The following KIZ variants were observed in gnomAD, a reference collection of about 807,000 sequenced individuals.
KIZ encodes the protein centrosomal protein kizuna.
A neutral mutation model predicts 79.6 loss-of-function variants in KIZ; 68 were observed. The observed-to-expected ratio is 0.85, with a 90% CI of 0.70 to 1.05. KIZ has a LOEUF of 1.05. Among genes scored for constraint, KIZ ranks in the 50% least tolerant of loss-of-function variants. The pLI is 0.00. For missense variants in KIZ, 797 were observed against 800.4 expected (o/e 1.00, Z 0.05); for synonymous variants, 280 against 281.8 (o/e 0.99, Z 0.06).
intron 11 of KIZ, among the ~76,000 whole-genome samples, chr20:21,242,702 A>G (rs1397359903): frequency 6.6e-6 from 1 of 152,060 alleles, no homozygotes; most frequent in African/African-American, 2.4e-5. Flanking sequence ...CTCACCTGCC[A>G]CTGTGTCCTT....
chr20:21,212,434 A>G (rs924157297), intron 7 of KIZ, among the ~76,000 whole-genome samples: 9 of 152,228 alleles, frequency 5.9e-5, no homozygotes, highest in African/African-American at 1.9e-4. Flanking sequence ...ACATGTGAAA[A>G]TCAACATTTT....
At position 21,205,520 on chromosome 20, in the gene KIZ, C is replaced by T. The variant is rs758224894; in HGVS notation, c.1382C>T (p.Pro461Leu). The T allele has an allele frequency of 8.1e-5, 126 of 1,556,256 alleles. No homozygotes were observed. The highest frequency in any genetic ancestry group is 1.1e-4 in the Non-Finnish European group (121 of 1,137,602). The change falls in exon 7 of 13, where the codon CCG becomes CTG. Residue 461 changes from proline (P) to leucine (L), a missense_variant. Physicochemically the swap from Pro to Leu is moderately conservative, Grantham distance 98. Coordinates refer to ENST00000619189, the MANE Select transcript of KIZ (RefSeq NM_018474.6). ...GGACAAACACCAGACTCAGACGTAC[C>T]GAGGGCACAGGTGGGTCAGCATGTT... ...EPGQTPDSDV[P>L]RAQVGQHVAT...
At chr20:21,166,542 T>C (rs2033948178) in intron 6 of KIZ, 3 of 1,488,844 alleles carry the variant, frequency 2.0e-6, no homozygotes, top group Non-Finnish European at 2.8e-6. Context: ...TTGCCTCTCT[T>C]TTCGGCATTG....
intron 6 of KIZ, among the ~76,000 whole-genome samples, chr20:21,172,221 C>T (rs1414501917): frequency 3.9e-5 from 6 of 152,108 alleles, no homozygotes; most frequent in Admixed American, 6.5e-5. Context: ...TGCTCTGTGC[C>T]GGGTATTGTT....
intron 6 of KIZ, among the ~76,000 whole-genome samples, chr20:21,177,376 T>C (rs1398945721): frequency 1.3e-5 from 2 of 152,192 alleles, no homozygotes; most frequent in Non-Finnish European, 2.9e-5. Context: ...ATATGTTTTA[T>C]GGAGACGTTG....
At chr20:21,176,136 C>G (rs185857086) in intron 6 of KIZ, among the ~76,000 whole-genome samples, 1 of 152,160 alleles carries the variant, frequency 6.6e-6, no homozygotes, top group African/African-American at 2.4e-5. Flanking sequence ...AGTGCAAAAC[C>G]CTGTCTCTAC....
chr20:21,242,575 G>A (rs1600634988), intron 11 of KIZ, among the ~76,000 whole-genome samples: 1 of 145,632 alleles, frequency 6.9e-6, no homozygotes, highest in Non-Finnish European at 1.5e-5. Context: ...GGTGGGGGTG[G>A]AATTGGCAGG....
At chr20:21,136,655 A>T in intron 3 of KIZ, 103 bp downstream of exon 3, 2 of 777,182 alleles carry the variant, frequency 2.6e-6, no homozygotes. Flanking sequence ...CTAGACTTGA[A>T]CACCTGGGCT....
chr20:21,143,811 ACTC>A (rs1384849911), intron 3 of KIZ, among the ~76,000 whole-genome samples: 3 of 151,918 alleles, frequency 2.0e-5, no homozygotes, highest in African/African-American at 7.3e-5. Flanking sequence ...GCTGTGGAAA[ACTC>A]CTGCTCTCCA....
chr20:21,240,677 T>G (rs773659890), intron 11 of KIZ, among the ~76,000 whole-genome samples: 2 of 151,844 alleles, frequency 1.3e-5, no homozygotes, highest in Non-Finnish European at 2.9e-5. Context: ...TGGTGGCCCT[T>G]GGGCCGTGCC....
chr20:21,201,509 G>A (rs1275750327), intron 6 of KIZ, among the ~76,000 whole-genome samples: 1 of 152,030 alleles, frequency 6.6e-6, no homozygotes, highest in Admixed American at 6.6e-5. Flanking sequence ...TTGGATTATA[G>A]TATATGAAAA....
intron 6 of KIZ, among the ~76,000 whole-genome samples, chr20:21,189,664 A>G (rs1257869642): frequency 6.6e-6 from 1 of 152,244 alleles, no homozygotes; most frequent in Non-Finnish European, 1.5e-5. Context: ...CTGTGCTACA[A>G]TGAAGAGGAC....
intron 3 of KIZ, chr20:21,144,266 C>G (rs2032729268): frequency 6.6e-6 from 1 of 152,092 alleles, no homozygotes; most frequent in African/African-American, 2.4e-5. Flanking sequence ...CGTAAGAAAA[C>G]ATTTGTAGTC....
intron 9 of KIZ, among the ~76,000 whole-genome samples, chr20:21,216,281 C>A (rs916238918): frequency 6.6e-6 from 1 of 152,102 alleles, no homozygotes; most frequent in African/African-American, 2.4e-5. Flanking sequence ...TTTACTAGTA[C>A]CTTATTTTGT....
At chr20:21,143,679 T>C (rs181804839) in intron 3 of KIZ, among the ~76,000 whole-genome samples, 2 of 152,302 alleles carry the variant, frequency 1.3e-5, no homozygotes, top group East Asian at 3.9e-4. Context: ...ATTAACTCAG[T>C]GCTCTTGGGT....
At chr20:21,166,068 G>A (rs560787016) in intron 6 of KIZ, 19 of 616,132 alleles carry the variant, frequency 3.1e-5, no homozygotes, top group East Asian at 1.9e-4. Flanking sequence ...CTGGGTTCAA[G>A]CAATTCTCCT....
intron 3 of KIZ, among the ~76,000 whole-genome samples, chr20:21,141,821 ACACTCTCT>A (rs1437961479): frequency 0.011 from 1,244 of 111,150 alleles, 19 homozygotes; most frequent in African/African-American, 0.04. Context: ...ACACACACAC[ACACTCTCT>A]CTCTCTCTCT....
chr20:21,143,078 G>T (rs377489374), intron 3 of KIZ, among the ~76,000 whole-genome samples: 20 of 152,204 alleles, frequency 1.3e-4, no homozygotes, highest in African/African-American at 4.6e-4. Context: ...TTTGGTAAAA[G>T]TTCACGATCT....
chr20:21,214,249 C>T (rs766537915), intron 7 of KIZ, among the ~76,000 whole-genome samples: 20 of 152,006 alleles, frequency 1.3e-4, no homozygotes, highest in Non-Finnish European at 2.6e-4. Context: ...GAGGTGGTCA[C>T]GTTTCATATA....
Sources: allele counts gnomAD v4.1 joint callset (sites outside exome capture counted in the v4.1 genomes callset), GRCh38; gene constraint gnomAD v4.1.1; transcripts MANE v1.5; gene names NCBI Gene and HGNC (gene_info 2026-07-23, HGNC 2026-07-21).